The following MPPE1 variants were observed in gnomAD, a reference collection of about 807,000 sequenced individuals.
The protein encoded by MPPE1 is metallophosphoesterase 1, also known as metallo phosphoesterase.
Under a neutral mutation model 43.8 loss-of-function variants are expected in MPPE1, and 28 were observed. The observed-to-expected ratio is 0.64, with a 90% CI of 0.47 to 0.88. The LOEUF is 0.88. Among genes scored for constraint, MPPE1 ranks in the 40% least tolerant of loss-of-function variants. MPPE1 has a pLI of 0.00. For synonymous variants in MPPE1, 159 were observed against 188.5 expected, an observed-to-expected ratio of 0.84 and a Z score of 1.28; for missense variants, 428 against 492.2, an observed-to-expected ratio of 0.87 and a Z score of 1.23.
chr18:11,894,211 A>C (rs1427941418), intron 3 of MPPE1, among the ~76,000 whole-genome samples: 1 of 151,980 alleles, frequency 6.6e-6, no homozygotes, highest in Non-Finnish European at 1.5e-5. Flanking sequence ...GGCAGATCAT[A>C]AAGTTAGGAG....
chr18:11,894,483 G>A (rs1389050999), intron 3 of MPPE1, among the ~76,000 whole-genome samples: 1 of 148,138 alleles, frequency 6.8e-6, no homozygotes, highest in Admixed American at 6.7e-5. Flanking sequence ...TCTGACAGAT[G>A]ATGGCTTAAC....
At chr18:11,892,405 C>T (rs981231403) in intron 4 of MPPE1, among the ~76,000 whole-genome samples, 5 of 151,096 alleles carry the variant, frequency 3.3e-5, no homozygotes, top group Non-Finnish European at 5.9e-5. Context: ...CACGGTGGCT[C>T]ATGCCCGTAA....
intron 4 of MPPE1, chr18:11,891,392 T>C (rs1471202099): frequency 6.6e-6 from 1 of 152,128 alleles, no homozygotes; most frequent in Non-Finnish European, 1.5e-5. Context: ...GAGAATCACT[T>C]GAACCAGGGA....
intron 5 of MPPE1, 53 bp downstream of exon 5, chr18:11,889,334 G>GA: frequency 2.6e-6 from 3 of 1,169,206 alleles, no homozygotes; most frequent in Non-Finnish European, 3.7e-6. Flanking sequence ...AACAGATTTA[G>GA]AATTACAGTT....
At position 11,889,442 on chromosome 18, in the gene MPPE1, T is replaced by A. The variant is rs2037713532; in HGVS notation, c.439A>T (p.Ser147Cys). 1 of 1,613,468 alleles carries A rather than the reference T, an allele frequency of 6.2e-7. No homozygotes were observed. The highest frequency in any genetic ancestry group is 8.5e-7 in the Non-Finnish European group (1 of 1,179,776). ...GCAACTACCTTCAGCTGTACATGAC[T>A]TGGGTGTCTGAACATTTTCTGAAAC... The part of the protein sequence containing the change: ...ERFQKMFRHP[S>C]HVQLKVVAGN... Residue 147 changes from serine (S) to cysteine (C), a missense_variant, in exon 5 of 11, where the codon AGT becomes TGT. Transcript: ENST00000588072.
intron 2 of MPPE1, chr18:11,902,426 C>T (rs1410710077): frequency 1.3e-5 from 2 of 152,206 alleles, no homozygotes; most frequent in African/African-American, 4.8e-5. Flanking sequence ...TCAAATATGT[C>T]AAAGGCAGCC....
chr18:11,896,652 T>C (rs2038645863), intron 3 of MPPE1, among the ~76,000 whole-genome samples: 1 of 152,166 alleles, frequency 6.6e-6, no homozygotes, highest in Non-Finnish European at 1.5e-5. Context: ...GCACCAGGCA[T>C]TGTGTAGCAT....
At chr18:11,904,635 T>A (rs1043099909) in intron 2 of MPPE1, among the ~76,000 whole-genome samples, 2 of 152,142 alleles carry the variant, frequency 1.3e-5, no homozygotes, top group Non-Finnish European at 2.9e-5. Flanking sequence ...GATCATTTTT[T>A]AAAAGATAAG....
intron 4 of MPPE1, among the ~76,000 whole-genome samples, chr18:11,892,412 G>A (rs1363315159): frequency 1.2e-4 from 18 of 145,358 alleles, no homozygotes; most frequent in Non-Finnish European, 2.4e-4. Context: ...GCTCATGCCC[G>A]TAATCCCAGC....
Position 11,894,408 on chromosome 18 carries a change from G to A in MPPE1, c.282-832C>T, listed in dbSNP as rs888227131. 3.4e-5 allele frequency among the ~76,000 whole-genome samples: 5 copies of A among 145,768 alleles called. 1 individual carries two copies. Among genetic ancestry groups the A allele is most frequent in the Admixed American group, 1.4e-4 (2 of 14,414 alleles). ...ATGACACTGCACTCACTCCAGCCTG[G>A]GTGACAGAGCGAGACTCCATCTCAA... On this transcript the variant is annotated intron_variant, in intron 3 of 10. Coordinates refer to ENST00000588072, the MANE Select transcript of MPPE1 (RefSeq NM_023075.6).
At chr18:11,897,557 C>T (rs1005206883) in intron 2 of MPPE1, 10 of 297,566 alleles carry the variant, frequency 3.4e-5, no homozygotes, top group Admixed American at 9.5e-5. Flanking sequence ...TCCATACCTC[C>T]GTATGTCAGA....
rs758707504 is a variant in MPPE1 at position 11,886,722 on chromosome 18, G to A, written c.735C>T (p.Val245=). The A allele has an allele frequency of 2.5e-6, 4 of 1,613,630 alleles. No individual in the cohort carries two copies. The African/African-American group carries it at 4.0e-5, about 16-fold the overall frequency. Reference sequence around the variant, plus strand: ...TCCTCCCCCAGCTCACCTGCAGGAGGACAGGGGCAGACGTGGGCAGCAGAG... The same window carrying A: ...TCCTCCCCCAGCTCACCTGCAGGAGAACAGGGGCAGACGTGGGCAGCAGAG... ...PGPLLPTSAP[V]LLQHYPLYRR... Residue 245 remains valine (V), a synonymous_variant, in exon 8 of 11, where the codon GTC becomes GTT. Coordinates refer to ENST00000588072, the MANE Select transcript of MPPE1 (RefSeq NM_023075.6). The surrounding 1 kb of genome is among the most constrained non-coding windows in gnomAD (Gnocchi z 4.1).
intron 4 of MPPE1, chr18:11,893,262 C>T: frequency 1.9e-6 from 1 of 522,536 alleles, no homozygotes; most frequent in Non-Finnish European, 3.4e-6. Flanking sequence ...ATTAGCCAAC[C>T]TAACTCAAGA....
intron 2 of MPPE1, among the ~76,000 whole-genome samples, chr18:11,904,057 T>C (rs1421471361): frequency 6.6e-6 from 1 of 152,182 alleles, no homozygotes; most frequent in Non-Finnish European, 1.5e-5. Flanking sequence ...GTAAATCAAA[T>C]ACCTTCTACC....
intron 10 of MPPE1, 148 bp downstream of exon 10, chr18:11,885,528 G>A: frequency 1.1e-6 from 1 of 908,136 alleles, no homozygotes; most frequent in Non-Finnish European, 1.7e-6. Flanking sequence ...GTTTGGCAAG[G>A]GGCAGTGTAT....
chr18:11,885,843 G>A, intron 9 of MPPE1, 27 bp from the exon 10 acceptor site: 1 of 1,587,138 alleles, frequency 6.3e-7, no homozygotes, highest in Non-Finnish European at 8.6e-7. Context: ...AGACAGCAAA[G>A]CAGGCTGTTA....
intron 2 of MPPE1, among the ~76,000 whole-genome samples, chr18:11,900,749 T>C (rs974882444): frequency 1.1e-4 from 17 of 150,042 alleles, no homozygotes; most frequent in East Asian, 4.0e-4. Flanking sequence ...CTACTAAAAA[T>C]ACAAAAAATT....
intron 2 of MPPE1, among the ~76,000 whole-genome samples, chr18:11,899,779 G>T (rs1166966427): frequency 6.6e-6 from 1 of 152,182 alleles, no homozygotes; most frequent in Non-Finnish European, 1.5e-5. Flanking sequence ...CTAGGAAGAT[G>T]ATTTTCTAAC....
At chr18:11,901,344 C>T (rs2039182370) in intron 2 of MPPE1, among the ~76,000 whole-genome samples, 1 of 152,042 alleles carries the variant, frequency 6.6e-6, no homozygotes, top group Admixed American at 6.5e-5. Context: ...AATCCTCCTA[C>T]CTGAGCCTCC....
Sources: allele counts gnomAD v4.1 joint callset (sites outside exome capture counted in the v4.1 genomes callset), GRCh38; gene constraint gnomAD v4.1.1; non-coding constraint Gnocchi (gnomAD v3.1); transcripts MANE v1.5; gene names NCBI Gene and HGNC (gene_info 2026-07-23, HGNC 2026-07-21).